SIK3: variants seen among roughly 807,000 people sequenced by gnomAD.
The protein encoded by SIK3 is serine/threonine-protein kinase SIK3.
In SIK3, 28 loss-of-function variants were observed where a neutral mutation model predicts 144.2. The ratio of observed to expected loss-of-function variants is 0.19; its 90% confidence interval spans 0.14 to 0.27. The LOEUF (loss-of-function observed/expected upper bound fraction) is 0.27, where lower values mean the gene tolerates loss of function less well. Ranked by LOEUF, SIK3 falls within the 10% of genes least tolerant of loss-of-function variation. The pLI is 1.00. For synonymous variants in SIK3, 686 were observed against 676.3 expected, an observed-to-expected ratio of 1.01 and a Z score of -0.22; for missense variants, 1,319 against 1,776.0, an observed-to-expected ratio of 0.74 and a Z score of 4.62.
In SIK3 at chr11:116,873,503, G is replaced by A. The variant is rs200802456; in HGVS notation, c.1715C>T (p.Ser572Phe). ...QQLLKRPRGP[S>F]PLVTMTPAVP... Reference sequence around the variant, plus strand: ...CACTGGTGTCATGGTGACAAGCGGAGAGGGTCCCCGTGGGCGCTTCAGCAG... The same window carrying A: ...CACTGGTGTCATGGTGACAAGCGGAAAGGGTCCCCGTGGGCGCTTCAGCAG... The change falls in exon 13 of 25, where the codon TCT (serine) becomes TTT (phenylalanine). Residue 572 changes from serine (S) to phenylalanine (F), a missense_variant. Physicochemically the swap from Ser to Phe is radical, Grantham distance 155. Coordinates refer to ENST00000445177, the MANE Select transcript of SIK3 (RefSeq NM_001366686.3). The A allele has an allele frequency of 2.1e-4, 336 of 1,614,032 alleles. No individual in the cohort carries two copies. The highest frequency in any genetic ancestry group is 2.7e-4 in the Non-Finnish European group (320 of 1,180,008).
At chr11:117,063,771 T>C (rs946580211) in intron 1 of SIK3, among the ~76,000 whole-genome samples, 1 of 151,870 alleles carries the variant, frequency 6.6e-6, no homozygotes, top group Admixed American at 6.6e-5. Context: ...GGTTTCACCT[T>C]GGCCAGGCTG....
At chr11:117,023,975 G>A (rs1481911169) in intron 1 of SIK3, among the ~76,000 whole-genome samples, 2 of 151,922 alleles carry the variant, frequency 1.3e-5, no homozygotes, top group African/African-American at 4.8e-5. Flanking sequence ...CACCACACCC[G>A]GGCCTGGACA....
chr11:117,035,691 A>G, intron 1 of SIK3: 1 of 759,702 alleles, frequency 1.3e-6, no homozygotes, highest in South Asian at 1.6e-5. Context: ...AGTAGCTGGG[A>G]CTACAGGTGC....
chr11:116,864,962 A>G (rs1943553060), intron 15 of SIK3: 1 of 152,232 alleles, frequency 6.6e-6, no homozygotes, highest in Non-Finnish European at 1.5e-5. Context: ...TGTCTTTGCT[A>G]ATGATGGCTT....
intron 10 of SIK3, 43 bp from the exon 11 acceptor site, chr11:116,875,310 A>T (rs2134552417): frequency 6.2e-7 from 1 of 1,612,982 alleles, no homozygotes; most frequent in East Asian, 2.2e-5. Flanking sequence ...ATCAGAAGGA[A>T]GGGAAGCAAG....
chr11:116,978,498 T>C (rs576821387), intron 1 of SIK3, among the ~76,000 whole-genome samples: 11 of 152,060 alleles, frequency 7.2e-5, no homozygotes, highest in Non-Finnish European at 1.5e-4. Context: ...TTTATGCAAA[T>C]AGAATCATAC....
intron 15 of SIK3, among the ~76,000 whole-genome samples, chr11:116,866,782 A>G (rs999371302): frequency 2.0e-5 from 3 of 152,180 alleles, no homozygotes; most frequent in African/African-American, 4.8e-5. Flanking sequence ...AAGTCCTGAG[A>G]GACTTTCATT....
chr11:116,954,928 ATAT>A (rs1949083416), intron 2 of SIK3, among the ~76,000 whole-genome samples: 2 of 152,232 alleles, frequency 1.3e-5, no homozygotes, highest in Non-Finnish European at 2.9e-5. Context: ...TGAACTGCAT[ATAT>A]TATTTTAACT....
At position 116,844,289 on chromosome 11, in the gene SIK3, C is replaced by A. The variant is rs1941743399; in HGVS notation, c.*1354G>T. On this transcript the variant is annotated 3_prime_UTR_variant, in exon 25 of 25. Transcript: ENST00000445177. ...CACTGGCACAAGTAAGAGCTGTTCA[C>A]AATTACAATGCCTAAAGGAAATACT... 1 of 152,052 alleles carries A rather than the reference C, an allele frequency of 6.6e-6. No individual in the cohort carries two copies. Among genetic ancestry groups the A allele is most frequent in the South Asian group, 2.1e-4 (1 of 4,822 alleles). 9.4% of individuals were successfully genotyped at this position (152,052 alleles called of 1,614,324 possible).
At chr11:117,068,214 C>G (rs1184977692) in intron 1 of SIK3, among the ~76,000 whole-genome samples, 1 of 152,042 alleles carries the variant, frequency 6.6e-6, no homozygotes, top group Non-Finnish European at 1.5e-5. Flanking sequence ...CCCCACACCC[C>G]AAAAATGGCT....
intron 1 of SIK3, among the ~76,000 whole-genome samples, chr11:117,048,234 T>G (rs577660876): frequency 6.6e-6 from 1 of 152,344 alleles, no homozygotes; most frequent in East Asian, 1.9e-4. Context: ...AAGCTATTTA[T>G]GCAAATAATG....
intron 1 of SIK3, among the ~76,000 whole-genome samples, chr11:117,087,338 G>A (rs1476879427): frequency 6.6e-6 from 1 of 152,038 alleles, no homozygotes; most frequent in Non-Finnish European, 1.5e-5. Flanking sequence ...AGCTACTAGG[G>A]AAGCTGAGGC....
intron 1 of SIK3, among the ~76,000 whole-genome samples, chr11:116,995,258 C>T (rs1167495383): frequency 8.3e-5 from 11 of 131,856 alleles, no homozygotes; most frequent in Admixed American, 3.0e-4. Context: ...CAGAGCAAGA[C>T]TCCGTCTCAA....
At chr11:116,893,321 G>A (rs1398443536) in intron 6 of SIK3, among the ~76,000 whole-genome samples, 2 of 152,120 alleles carry the variant, frequency 1.3e-5, no homozygotes, top group Middle Eastern at 3.4e-3. Context: ...AGCACAGAGG[G>A]TACATGCAAA....
chr11:117,023,053 G>C (rs4936360), intron 1 of SIK3, among the ~76,000 whole-genome samples: 24,748 of 152,076 alleles, frequency 0.16, 2,128 homozygotes, highest in Admixed American at 0.21. Flanking sequence ...GCAGATTGTA[G>C]AAAACACAAA....
chr11:116,888,668 G>C (rs956752153), intron 6 of SIK3, among the ~76,000 whole-genome samples: 14 of 152,204 alleles, frequency 9.2e-5, no homozygotes, highest in African/African-American at 3.4e-4. Context: ...AGTATCTACT[G>C]ACTTCCTACC....
At chr11:116,962,027 A>G (rs1366060958) in intron 1 of SIK3, among the ~76,000 whole-genome samples, 1 of 152,252 alleles carries the variant, frequency 6.6e-6, no homozygotes, top group Non-Finnish European at 1.5e-5. Flanking sequence ...CACTTTTGTA[A>G]GCACAATAAT....
chr11:116,951,608 C>T (rs1003968760), intron 3 of SIK3, among the ~76,000 whole-genome samples: 1 of 152,106 alleles, frequency 6.6e-6, no homozygotes, highest in Non-Finnish European at 1.5e-5. Context: ...GGTACATTCA[C>T]ATGAAGTCCA....
chr11:116,971,794 A>T (rs1343067416), intron 1 of SIK3, among the ~76,000 whole-genome samples: 1 of 152,166 alleles, frequency 6.6e-6, no homozygotes, highest in African/African-American at 2.4e-5. Context: ...ACTTGAAAAA[A>T]ATGAGGAATA....
Sources: allele counts gnomAD v4.1 joint callset (sites outside exome capture counted in the v4.1 genomes callset), GRCh38; gene constraint gnomAD v4.1.1; transcripts MANE v1.5; gene names NCBI Gene and HGNC (gene_info 2026-07-23, HGNC 2026-07-21).